COPS7B: variants seen among roughly 807,000 people sequenced by gnomAD.
COPS7B encodes COP9 signalosome subunit 7B.
In COPS7B, 9 loss-of-function variants were observed where a neutral mutation model predicts 33.4. The ratio of observed to expected loss-of-function variants is 0.27; its 90% CI spans 0.16 to 0.47. COPS7B has a LOEUF of 0.47. Among genes scored for constraint, COPS7B ranks in the 20% least tolerant of loss-of-function variants. The probability of loss-of-function intolerance (pLI) is 0.99; values close to 1 mark genes in which losing one functional copy is unlikely to be tolerated. For missense variants in COPS7B, 242 were observed against 318.2 expected (o/e 0.76, Z 1.82); for synonymous variants, 119 against 126.3 (o/e 0.94, Z 0.39).
intron 5 of COPS7B, among the ~76,000 whole-genome samples, chr2:231,797,385 T>C (rs2106329910): frequency 1.3e-5 from 2 of 152,356 alleles, no homozygotes; most frequent in South Asian, 4.1e-4. Context: ...GTGGAAGTTT[T>C]CAATAGCTTA....
At chr2:231,796,590 G>A (rs1237072148) in intron 5 of COPS7B, among the ~76,000 whole-genome samples, 1 of 152,226 alleles carries the variant, frequency 6.6e-6, no homozygotes, top group African/African-American at 2.4e-5. Context: ...GTTAGCAGGT[G>A]GAGCCTATGT....
chr2:231,790,900 G>A lies in COPS7B; in HGVS notation c.163-833G>A, dbSNP rs1221587516. 4 of 153,290 alleles carry A rather than the reference G, an allele frequency of 2.6e-5. No individual in the cohort carries two copies. The South Asian group carries it at 6.2e-4, about 24-fold the overall frequency. The allele number at this position is 153,290 out of a possible 1,614,324, so 9.5% of individuals were successfully genotyped here. ...ACTACAGGCGCCCGCCACCGCGCCC[G>A]GCTAATTTTTTGTATTTTTAGTAGA... On this transcript the variant is annotated intron_variant, in intron 2 of 6. Transcript: ENST00000350033.
upstream of COPS7B, among the ~76,000 whole-genome samples, chr2:231,783,532 A>G (rs2049175130): frequency 6.6e-6 from 1 of 152,184 alleles, no homozygotes; most frequent in African/African-American, 2.4e-5. Flanking sequence ...GCACCTTTCA[A>G]TGTGCTTGTT....
intron 3 of COPS7B, 162 bp from the exon 4 acceptor site, chr2:231,794,101 A>C (rs2049497377): frequency 1.8e-6 from 1 of 544,004 alleles, no homozygotes; most frequent in Admixed American, 3.3e-5. Context: ...GGAAGTACAT[A>C]GTCTTCCAAA....
In COPS7B at chr2:231,807,632, C is replaced by T; in HGVS notation, c.782C>T (p.Ser261Phe). The T allele has an allele frequency of 1.3e-6, 2 of 1,547,896 alleles. No individual in the cohort carries two copies. Among genetic ancestry groups the T allele is most frequent in the Non-Finnish European group, 1.7e-6 (2 of 1,145,630 alleles). The change falls in exon 7 of 7, where the codon TCC (serine) becomes TTC (phenylalanine). Residue 261 changes from serine to phenylalanine, a missense_variant. Physicochemically the swap from Ser to Phe is radical, Grantham distance 155. Coordinates refer to ENST00000350033, the MANE Select transcript of COPS7B (RefSeq NM_022730.4). Reference protein sequence around the residue: ...KKMSKVKGLVSSRH With the variant: ...KKMSKVKGLVFSRH ...ATGTCCAAAGTGAAAGGTCTGGTCTCCAGCCGCCACTAGGGCCGGCTGGGG... is the reference window on the plus strand; with the variant it reads ...ATGTCCAAAGTGAAAGGTCTGGTCTTCAGCCGCCACTAGGGCCGGCTGGGG...
rs556090656 is a variant in COPS7B, at chr2:231,788,539, A to G, written c.-16-16A>G. On this transcript the variant is annotated splice_polypyrimidine_tract_variant and intron_variant, in intron 1 of 6. Transcript: ENST00000350033. ...AGGAGAAGGAAGAATGACTGACACA[A>G]TTTTCTTTTGGACAGATTTCAAGGC... is the stretch of plus-strand genomic sequence containing the variant. The G allele has an allele frequency of 1.2e-5, 19 of 1,610,362 alleles. No individual in the cohort carries two copies. In the Admixed American group the frequency reaches 1.3e-4, roughly 11 times the overall value.
intron 3 of COPS7B, chr2:231,792,325 C>G (rs1055270449): frequency 3.8e-6 from 1 of 262,678 alleles, no homozygotes; most frequent in Non-Finnish European, 7.6e-6. Flanking sequence ...AACCCTGTCT[C>G]TACTAAAAAT....
At chr2:231,802,346 T>G (rs1213878344) in intron 6 of COPS7B, among the ~76,000 whole-genome samples, 1 of 152,238 alleles carries the variant, frequency 6.6e-6, no homozygotes, top group Non-Finnish European at 1.5e-5. Flanking sequence ...TTGTAGCACT[T>G]TTCCAGTTGT....
At chr2:231,804,643 G>A (rs1046360471) in intron 6 of COPS7B, among the ~76,000 whole-genome samples, 16 of 151,858 alleles carry the variant, frequency 1.1e-4, no homozygotes, top group African/African-American at 3.9e-4. Flanking sequence ...AATTTTTTTT[G>A]GTTTTGTTTT....
At chr2:231,794,443 G>A (rs2049506751) in intron 4 of COPS7B, 92 bp downstream of exon 4, 3 of 986,470 alleles carry the variant, frequency 3.0e-6, no homozygotes, top group Non-Finnish European at 4.6e-6. Context: ...GCACATAGGA[G>A]AGTCACATCA....
rs1465940751 is a variant in COPS7B, at chr2:231,794,053, A to T, written c.239-210A>T. 6 of 539,378 alleles carry T rather than the reference A, an allele frequency of 1.1e-5. No individual in the cohort carries two copies. The South Asian group carries it at 1.2e-4, about 11-fold the overall frequency. The allele number at this position is 539,378 out of a possible 1,614,324, so 33.4% of individuals were successfully genotyped here. On this transcript the variant is annotated intron_variant, in intron 3 of 6. Coordinates refer to ENST00000350033, the MANE Select transcript of COPS7B (RefSeq NM_022730.4). ...TTGCTTGTTTGCTTTTTAGGAGACTAAACTCTGTGTTTGTAGAAACTGAGT... is the reference window on the plus strand; with the variant it reads ...TTGCTTGTTTGCTTTTTAGGAGACTTAACTCTGTGTTTGTAGAAACTGAGT...
intron 6 of COPS7B, among the ~76,000 whole-genome samples, chr2:231,806,129 C>A (rs2049887928): frequency 6.6e-6 from 1 of 152,090 alleles, no homozygotes; most frequent in African/African-American, 2.4e-5. Flanking sequence ...TGGCTCTCCT[C>A]CAGGAACCCA....
upstream of COPS7B, among the ~76,000 whole-genome samples, chr2:231,785,829 C>T (rs949846828): frequency 2.0e-5 from 3 of 152,226 alleles, no homozygotes; most frequent in Non-Finnish European, 4.4e-5. Context: ...CTATCAATGA[C>T]ATTTTGGTCA....
At chr2:231,788,241 A>G (rs1242334224) in intron 1 of COPS7B, among the ~76,000 whole-genome samples, 1 of 151,546 alleles carries the variant, frequency 6.6e-6, no homozygotes, top group Non-Finnish European at 1.5e-5. Context: ...GGTTCAAGCA[A>G]TTCTTGTGCC....
upstream of COPS7B, among the ~76,000 whole-genome samples, chr2:231,782,514 C>G (rs1241659946): frequency 6.6e-6 from 1 of 152,202 alleles, no homozygotes; most frequent in Non-Finnish European, 1.5e-5. Context: ...CTGCCTGTCC[C>G]CACTTTCACC....
chr2:231,790,214 A>G (rs1027135010), intron 2 of COPS7B: 6 of 152,268 alleles, frequency 3.9e-5, no homozygotes, highest in Non-Finnish European at 5.9e-5. Flanking sequence ...TATGCCAAGT[A>G]GTTGTTTTGT....
chr2:231,788,461 A>C, intron 1 of COPS7B, 94 bp from the exon 2 acceptor site: 1 of 1,196,312 alleles, frequency 8.4e-7, no homozygotes, highest in South Asian at 1.5e-5. Context: ...AACACTATAA[A>C]AGTAAAGTAT....
At chr2:231,790,710 G>GAGCACGTTTGTGGTAA (rs2049387114) in intron 2 of COPS7B, 1 of 151,924 alleles carries the variant, frequency 6.6e-6, no homozygotes, top group Non-Finnish European at 1.5e-5. Context: ...AAGTTGGAAG[G>GAGCACGTTTGTGGTAA]GTAACAGGAG....
chr2:231,786,802 G>A (rs2049260323), intron 1 of COPS7B, among the ~76,000 whole-genome samples: 1 of 152,116 alleles, frequency 6.6e-6, no homozygotes, highest in Non-Finnish European at 1.5e-5. Flanking sequence ...CTGCTCGTTT[G>A]CCCCTCTCCA....
Sources: gnomAD v4.1 joint callset for allele counts (sites outside exome capture counted in the v4.1 genomes callset) on GRCh38, gnomAD v4.1.1 for gene constraint, MANE v1.5 for transcripts, NCBI Gene and HGNC (gene_info 2026-07-23, HGNC 2026-07-21) for gene names.